PCLO: variants seen among roughly 807,000 people sequenced by gnomAD.
PCLO encodes piccolo presynaptic cytomatrix protein.
A neutral mutation model predicts 427.5 loss-of-function variants in PCLO; 82 were observed. That is an observed-to-expected ratio of 0.19 (90% CI 0.16 to 0.23). The LOEUF is 0.23. Ranked by LOEUF, PCLO falls within the 10% of genes least tolerant of loss-of-function variation. PCLO has a pLI of 1.00. For synonymous variants in PCLO, 2,357 were observed against 2,155.4 expected (o/e 1.09, Z -2.59); for missense variants, 6,239 against 6,115.9 (o/e 1.02, Z -0.67).
chr7:82,900,994 G>A (rs1196495410), intron 9 of PCLO, among the ~76,000 whole-genome samples: 1 of 151,656 alleles, frequency 6.6e-6, no homozygotes, highest in Non-Finnish European at 1.5e-5. Flanking sequence ...GTAGAAATAG[G>A]GGAATTTGTT....
intron 3 of PCLO, among the ~76,000 whole-genome samples, chr7:83,133,280 AT>A (rs1791620518): frequency 6.6e-6 from 1 of 152,008 alleles, no homozygotes; most frequent in Non-Finnish European, 1.5e-5. Flanking sequence ...AATCAAGGAC[AT>A]TGGAGTGAAA....
chr7:82,987,473 A>G (rs1445609103), intron 3 of PCLO, among the ~76,000 whole-genome samples: 1 of 152,080 alleles, frequency 6.6e-6, no homozygotes, highest in Non-Finnish European at 1.5e-5. Flanking sequence ...TTTATATTAT[A>G]AAGTCTATTG....
intron 3 of PCLO, among the ~76,000 whole-genome samples, chr7:83,050,047 C>T (rs756894095): frequency 6.8e-5 from 10 of 147,262 alleles, no homozygotes; most frequent in Non-Finnish European, 1.1e-4. Context: ...GTACTAGCTC[C>T]AGTCCTCTGT....
At position 82,954,566 on chromosome 7, in the gene PCLO, A is replaced by G. The variant is rs768293719; in HGVS notation, c.6387T>C (p.Asp2129=). ...TTGAAAAATGTTGGGTTATTTTAAC[A>G]TCTGGGATAGAGAGTGTTGCACTGC... The part of the protein sequence containing the change: ...STSSATLSIP[D]VKITQHFSTE... The change falls in exon 5 of 25, where the codon GAT becomes GAC. Residue 2129 remains aspartate (D), a synonymous_variant. Transcript: ENST00000333891. 2 of 1,613,970 alleles carry G rather than the reference A, an allele frequency of 1.2e-6. No individual in the cohort carries two copies. The highest frequency in any genetic ancestry group is 1.6e-4 in the Middle Eastern group (1 of 6,062).
intron 3 of PCLO, among the ~76,000 whole-genome samples, chr7:83,129,453 A>G (rs1300340192): frequency 2.6e-5 from 4 of 152,188 alleles, no homozygotes; most frequent in African/African-American, 9.6e-5. Flanking sequence ...AGACTTCCAA[A>G]TTAAATATTA....
intron 10 of PCLO, among the ~76,000 whole-genome samples, chr7:82,855,487 T>C (rs1003375614): frequency 1.3e-4 from 20 of 152,226 alleles, no homozygotes; most frequent in African/African-American, 4.6e-4. Context: ...TTAGCAAAAA[T>C]AACATATATT....
In PCLO at chr7:83,001,822, G is replaced by A. The variant is rs140344913; in HGVS notation, c.3301-35335C>T. 3.0e-3 allele frequency among the ~76,000 whole-genome samples: 451 copies of A among 152,056 alleles called. 1 individual carries two copies. The highest frequency in any genetic ancestry group is 9.1e-3 in the African/African-American group (377 of 41,514). On this transcript the variant is annotated intron_variant, in intron 3 of 24. Coordinates refer to ENST00000333891, the MANE Select transcript of PCLO (RefSeq NM_033026.6). ...GAATAATTCCAAAGGGACAGGCTCC[G>A]ATGCACACACTTACTCAGCCTCTGC...
intron 3 of PCLO, among the ~76,000 whole-genome samples, chr7:83,063,151 G>A (rs1051006765): frequency 1.3e-5 from 2 of 151,992 alleles, no homozygotes; most frequent in Admixed American, 6.6e-5. Context: ...AGCTTTCTTG[G>A]TATAAATTCC....
chr7:83,108,151 G>T (rs1790914162), intron 3 of PCLO, among the ~76,000 whole-genome samples: 1 of 152,036 alleles, frequency 6.6e-6, no homozygotes, highest in Admixed American at 6.6e-5. Flanking sequence ...TTGTGTGTTT[G>T]TGCATACATG....
intron 6 of PCLO, among the ~76,000 whole-genome samples, chr7:82,925,594 T>C (rs1794693851): frequency 6.6e-6 from 1 of 152,086 alleles, no homozygotes. Flanking sequence ...CCATTAGTAA[T>C]GTGTTGCCAA....
At chr7:82,836,810 C>A (rs2062336742) in intron 15 of PCLO, among the ~76,000 whole-genome samples, 1 of 152,090 alleles carries the variant, frequency 6.6e-6, no homozygotes, top group African/African-American at 2.4e-5. Context: ...AAATACTAAG[C>A]AGCAGATTCA....
intron 3 of PCLO, among the ~76,000 whole-genome samples, chr7:83,039,094 C>T (rs1788905239): frequency 6.6e-6 from 1 of 151,964 alleles, no homozygotes; most frequent in African/African-American, 2.4e-5. Context: ...CTCTAAAGAG[C>T]ATTCTAATAG....
intron 3 of PCLO, among the ~76,000 whole-genome samples, chr7:83,063,211 T>A (rs1789582272): frequency 6.6e-6 from 1 of 152,102 alleles, no homozygotes; most frequent in South Asian, 2.1e-4. Flanking sequence ...AGGTATCTGA[T>A]GTTAAAGCTT....
intron 3 of PCLO, among the ~76,000 whole-genome samples, chr7:83,092,946 C>CAAA (rs10684707): frequency 0.4 from 35,971 of 89,014 alleles, 6,529 homozygotes; most frequent in East Asian, 0.62. Flanking sequence ...GACTCTGTCT[C>CAAA]AAAAAAAAAA....
At chr7:83,003,939 GTT>G (rs1197578965) in intron 3 of PCLO, among the ~76,000 whole-genome samples, 1 of 151,078 alleles carries the variant, frequency 6.6e-6, no homozygotes, top group Non-Finnish European at 1.5e-5. Flanking sequence ...AAAAAAAAAA[GTT>G]TGGTAGACTT....
intron 3 of PCLO, among the ~76,000 whole-genome samples, chr7:83,111,479 A>C (rs905862925): frequency 2.0e-5 from 3 of 152,234 alleles, no homozygotes; most frequent in African/African-American, 7.2e-5. Flanking sequence ...TGTGAAAAGG[A>C]TCTTATGTGA....
Position 83,143,614 on chromosome 7 carries a change from A to G in PCLO, c.1894-7958T>C, listed in dbSNP as rs368272320. 2.0e-5 allele frequency among the ~76,000 whole-genome samples: 3 copies of G among 150,688 alleles called. No individual in the cohort carries two copies. In the South Asian group the frequency reaches 6.3e-4, roughly 32 times the overall value. ...ACAAATAGGATCAAGTGATAAAAGC[A>G]TATTTTAATATGTTTGTCAGGATTG... On this transcript the variant is annotated intron_variant, in intron 2 of 24. Transcript: ENST00000333891.
In PCLO at chr7:82,952,897, C is replaced by G; in HGVS notation, c.8056G>C (p.Ala2686Pro). ...ATGCTGCTGAGACCAACACTAGGAG[C>G]TGTACTTCTGGTTGCTGAAACCTCA... is the stretch of plus-strand genomic sequence containing the variant. ...KTEVSATRSTAPSVGLSSISI... is the reference protein window; with the variant it reads ...KTEVSATRSTPPSVGLSSISI... The change falls in exon 5 of 25, where the codon GCT becomes CCT. Residue 2686 changes from alanine (A) to proline (P), a missense_variant. Physicochemically the swap from Ala to Pro is conservative, Grantham distance 27. Coordinates refer to ENST00000333891, the MANE Select transcript of PCLO (RefSeq NM_033026.6). The G allele has an allele frequency of 6.2e-7, 1 of 1,613,918 alleles. No homozygotes were observed. Among genetic ancestry groups the G allele is most frequent in the African/African-American group, 1.3e-5 (1 of 75,010 alleles).
At chr7:82,922,697 T>C (rs979560247) in intron 6 of PCLO, among the ~76,000 whole-genome samples, 2 of 151,990 alleles carry the variant, frequency 1.3e-5, no homozygotes, top group Admixed American at 1.3e-4. Flanking sequence ...GCAATTTACC[T>C]ATGTAACAAA....
Sources: allele counts gnomAD v4.1 joint callset (sites outside exome capture counted in the v4.1 genomes callset), GRCh38; gene constraint gnomAD v4.1.1; transcripts MANE v1.5; gene names NCBI Gene and HGNC (gene_info 2026-07-23, HGNC 2026-07-21).